Variants in HAVCR1 observed in about 807,000 individuals in gnomAD.
The protein encoded by HAVCR1 is T cell immunoglobin domain and mucin domain protein 1.
HAVCR1 carries 34 observed loss-of-function variants against 32.0 expected under a neutral mutation model. The ratio of observed to expected loss-of-function variants is 1.06; its 90% CI spans 0.81 to 1.42. The LOEUF (loss-of-function observed/expected upper bound fraction) is 1.42, where lower values mean the gene tolerates loss of function less well. Among genes scored for constraint, HAVCR1 ranks in the 40% most tolerant of loss-of-function variants. The pLI, the probability that HAVCR1 is intolerant of heterozygous loss-of-function variation, is 0.00. For missense variants in HAVCR1, 420 were observed against 442.3 expected (o/e 0.95, Z 0.45); for synonymous variants, 178 against 170.3 (o/e 1.05, Z -0.35).
At chr5:157,035,933 G>A (rs1426190626) in intron 7 of HAVCR1, among the ~76,000 whole-genome samples, 2 of 152,200 alleles carry the variant, frequency 1.3e-5, no homozygotes, top group Non-Finnish European at 2.9e-5. Flanking sequence ...ACTGGAGGAA[G>A]TGAGTAGGCT....
chr5:157,064,046 C>T (rs1373592355), upstream of HAVCR1, among the ~76,000 whole-genome samples: 1 of 152,154 alleles, frequency 6.6e-6, no homozygotes, highest in Non-Finnish European at 1.5e-5. Context: ...TAGGCTTTCA[C>T]CCCACATGAA....
rs1270640687 is a variant in HAVCR1, at chr5:157,057,407, G to GAAAT, written c.46+490_46+491insATTT. Among the ~76,000 whole-genome samples the GAAAT allele has an allele frequency of 2.3e-3, 223 of 97,748 alleles. 6 individuals carry two copies. The highest frequency in any genetic ancestry group is 7.4e-3 in the African/African-American group (211 of 28,704). The allele number at this position is 97,748 out of a possible 152,430, so 64.1% of individuals were successfully genotyped here. A position where few individuals can be genotyped will look rare whatever the true frequency, so the allele number is the denominator to read the frequency against. On this transcript the variant is annotated intron_variant, in intron 2 of 8. Transcript: ENST00000523175. ...GAGAGGAAAGAAAGAAAGAAAGAAA[G>GAAAT]AAAGAAAGAAAGAAAGAAAGAAAGA...
At chr5:157,058,718 T>C (rs1013884673) in intron 1 of HAVCR1, among the ~76,000 whole-genome samples, 1 of 152,208 alleles carries the variant, frequency 6.6e-6, no homozygotes, top group African/African-American at 2.4e-5. Flanking sequence ...CGTGGAGCTT[T>C]TCCTACTCAG....
intron 3 of HAVCR1, among the ~76,000 whole-genome samples, chr5:157,054,623 T>G (rs1201445882): frequency 6.6e-6 from 1 of 152,226 alleles, no homozygotes; most frequent in African/African-American, 2.4e-5. Context: ...GGCCAACTAC[T>G]ATGTTTGAAG....
chr5:157,041,455 G>A (rs184871901), intron 6 of HAVCR1, among the ~76,000 whole-genome samples: 35 of 150,710 alleles, frequency 2.3e-4, no homozygotes, highest in African/African-American at 6.4e-4. Context: ...CTGGGATCCC[G>A]CCAGTGCACT....
the HAVCR1 span, among the ~76,000 whole-genome samples, chr5:157,067,476 G>A: frequency 0.12 from 17,802 of 152,080 alleles, 2,628 homozygotes; most frequent in African/African-American, 0.34. Flanking sequence ...CCCAGCCTGA[G>A]CAACAGAGTG....
At chr5:157,063,008 T>C (rs1756520909), upstream of HAVCR1, among the ~76,000 whole-genome samples, 1 of 151,212 alleles carries the variant, frequency 6.6e-6, no homozygotes, top group African/African-American at 2.4e-5. Flanking sequence ...TAGTCTCAGA[T>C]ACTAGGGAGG....
At chr5:157,057,772 C>A (rs1756302298) in intron 2 of HAVCR1, 126 bp downstream of exon 2, 1 of 731,526 alleles carries the variant, frequency 1.4e-6, no homozygotes, top group Non-Finnish European at 2.4e-6. Context: ...CATAGCCATA[C>A]AACGGTACCC....
intron 2 of HAVCR1, among the ~76,000 whole-genome samples, chr5:157,057,395 GAAAGAAAGAAA>G (rs1561605965): frequency 0.019 from 217 of 11,532 alleles, no homozygotes; most frequent in African/African-American, 0.038. Flanking sequence ...AGGAAAGAAA[GAAAGAAAGAAA>G]GAAAGAAAGA....
chr5:157,041,689 CCAT>C (rs1754903589), intron 6 of HAVCR1, among the ~76,000 whole-genome samples: 1 of 152,220 alleles, frequency 6.6e-6, no homozygotes, highest in Non-Finnish European at 1.5e-5. Flanking sequence ...CTACTCCACC[CCAT>C]CAAAGCATGC....
chr5:157,032,240 C>T lies in HAVCR1; in HGVS notation c.986+614G>A, dbSNP rs541151488. 6.6e-5 allele frequency among the ~76,000 whole-genome samples: 10 copies of T among 152,136 alleles called. 1 individual carries two copies. Among genetic ancestry groups the T allele is most frequent in the South Asian group, 4.2e-4 (2 of 4,818 alleles). ...TCTACTAAAAGTATGAAAAAATGGC[C>T]GGGCGCGGTGGCTCATGTCTGTAAT... On this transcript the variant is annotated intron_variant, in intron 8 of 8. Coordinates refer to ENST00000523175, the MANE Select transcript of HAVCR1 (RefSeq NM_001173393.3).
chr5:157,055,018 G>C (rs182991003), intron 3 of HAVCR1, among the ~76,000 whole-genome samples, 183 bp downstream of exon 3: 3 of 152,308 alleles, frequency 2.0e-5, no homozygotes, highest in Admixed American at 2.0e-4. Flanking sequence ...ATTCTAGCCT[G>C]ACCTTGAATT....
intron 3 of HAVCR1, among the ~76,000 whole-genome samples, chr5:157,053,297 T>C (rs560733017): frequency 1.3e-5 from 2 of 149,086 alleles, no homozygotes; most frequent in East Asian, 2.0e-4. Context: ...GGCATAAGGA[T>C]TGATGAACCC....
chr5:157,053,174 C>G (rs1032624634), intron 3 of HAVCR1, among the ~76,000 whole-genome samples: 1 of 150,178 alleles, frequency 6.7e-6, no homozygotes, highest in African/African-American at 2.5e-5. Context: ...ACTACTTCAG[C>G]TCAGGAGTTC....
intron 6 of HAVCR1, among the ~76,000 whole-genome samples, chr5:157,038,432 T>A (rs1754671181): frequency 6.6e-6 from 1 of 152,206 alleles, no homozygotes. Context: ...AAAATCTTAA[T>A]CCCTGGAGTC....
intron 1 of HAVCR1, 78 bp from the exon 2 acceptor site, chr5:157,058,033 C>T: frequency 9.9e-7 from 1 of 1,006,978 alleles, no homozygotes; most frequent in Non-Finnish European, 1.6e-6. Context: ...TCTCAGATTG[C>T]AACTTATCTT....
chr5:157,051,843 T>A (rs1755758064), intron 4 of HAVCR1, among the ~76,000 whole-genome samples: 1 of 152,210 alleles, frequency 6.6e-6, no homozygotes, highest in Non-Finnish European at 1.5e-5. Context: ...AAACCACACC[T>A]ACAGTGGATA....
rs546280208 is a variant in HAVCR1, at chr5:157,029,546, T to A, written c.*187A>T. Reference sequence around the variant, plus strand: ...GCATAAAAAATTAGGACTACATTAATGATGAGGTTGACTATACACAGTTTG... The same window carrying A: ...GCATAAAAAATTAGGACTACATTAAAGATGAGGTTGACTATACACAGTTTG... On this transcript the variant is annotated 3_prime_UTR_variant, in exon 9 of 9. Coordinates refer to ENST00000523175, the MANE Select transcript of HAVCR1 (RefSeq NM_001173393.3). 1.5e-4 allele frequency: 211 copies of A among 1,452,496 alleles called. 1 individual carries two copies. In the African/African-American group the frequency reaches 2.5e-3, roughly 17 times the overall value. 90.0% of individuals were successfully genotyped at this position (1,452,496 alleles called of 1,614,324 possible). A position where few individuals can be genotyped will look rare whatever the true frequency, so the allele number is the denominator to read the frequency against.
At chr5:157,044,168 C>T (rs1755082624) in intron 5 of HAVCR1, among the ~76,000 whole-genome samples, 1 of 151,836 alleles carries the variant, frequency 6.6e-6, no homozygotes, top group South Asian at 2.1e-4. Flanking sequence ...CCCATCTCTA[C>T]TAAAAATATA....
Sources: allele counts gnomAD v4.1 joint callset (sites outside exome capture counted in the v4.1 genomes callset), GRCh38; gene constraint gnomAD v4.1.1; transcripts MANE v1.5; gene names NCBI Gene and HGNC (gene_info 2026-07-23, HGNC 2026-07-21).